The following PCDHA9 variants were observed in gnomAD, a reference collection of about 807,000 sequenced individuals.
The protein encoded by PCDHA9 is protocadherin alpha 9.
In PCDHA9, 62 loss-of-function variants were observed where a neutral mutation model predicts 62.0. The ratio of observed to expected loss-of-function variants is 1.00; its 90% confidence interval spans 0.81 to 1.23. The LOEUF is 1.23. Among genes scored for constraint, PCDHA9 ranks in the 50% most tolerant of loss-of-function variants. PCDHA9 has a pLI of 0.00. For missense variants in PCDHA9, 1,205 were observed against 1,249.8 expected (o/e 0.96, Z 0.54); for synonymous variants, 557 against 567.6 (o/e 0.98, Z 0.27).
intron 1 of PCDHA9, chr5:140,875,980 T>A: frequency 6.2e-7 from 1 of 1,614,062 alleles, no homozygotes; most frequent in East Asian, 2.2e-5. Context: ...TCTTTTGACC[T>A]ATGCGTTAAG....
At chr5:140,979,486 C>T (rs1222755275) in intron 2 of PCDHA9, among the ~76,000 whole-genome samples, 1 of 152,032 alleles carries the variant, frequency 6.6e-6, no homozygotes, top group African/African-American at 2.4e-5. Flanking sequence ...TGTGTTCACA[C>T]CTATTAGAGC....
At chr5:140,946,456 G>A (rs1554217589) in intron 1 of PCDHA9, among the ~76,000 whole-genome samples, 1 of 151,574 alleles carries the variant, frequency 6.6e-6, no homozygotes, top group African/African-American at 2.4e-5. Flanking sequence ...CAACTATCCA[G>A]CAATCCCACT....
At chr5:140,863,396 G>C (rs782335492) in intron 1 of PCDHA9, 1 of 872,572 alleles carries the variant, frequency 1.1e-6, no homozygotes, top group Non-Finnish European at 1.8e-6. Context: ...TGCATGCCGG[G>C]CAAGCCCACG....
chr5:140,961,435 C>T (rs1554225413), intron 1 of PCDHA9, among the ~76,000 whole-genome samples: 1 of 152,174 alleles, frequency 6.6e-6, no homozygotes, highest in Non-Finnish European at 1.5e-5. Flanking sequence ...TACAAAATCA[C>T]CTAACTACAC....
At chr5:140,917,337 G>GA (rs1240219857) in intron 1 of PCDHA9, among the ~76,000 whole-genome samples, 3 of 142,560 alleles carry the variant, frequency 2.1e-5, no homozygotes, top group Non-Finnish European at 4.7e-5. Context: ...GGGAGGGGGG[G>GA]GATGGTGTAG....
intron 1 of PCDHA9, among the ~76,000 whole-genome samples, chr5:140,878,711 G>A (rs944193090): frequency 6.6e-5 from 10 of 152,156 alleles, no homozygotes; most frequent in East Asian, 1.9e-4. Context: ...GGTAGTAAAG[G>A]CATTAAAATT....
chr5:140,970,647 T>C lies in PCDHA9; in HGVS notation c.2395-8302T>C, dbSNP rs529255517. Among the ~76,000 whole-genome samples, 9 of 152,352 alleles carry C rather than the reference T, an allele frequency of 5.9e-5. No homozygotes were observed. The South Asian group carries it at 1.9e-3, about 32-fold the overall frequency. On this transcript the variant is annotated intron_variant, in intron 1 of 3. Coordinates refer to ENST00000532602, the MANE Select transcript of PCDHA9 (RefSeq NM_031857.2). ...CAAAATTTTGTACCATAAATAGTGA[T>C]GAATTGTTATCTTTCCAAATAACTA...
At chr5:140,984,975 T>A (rs571343368) in intron 3 of PCDHA9, among the ~76,000 whole-genome samples, 1 of 152,128 alleles carries the variant, frequency 6.6e-6, no homozygotes, top group Admixed American at 6.5e-5. Flanking sequence ...TCTCGCTCTG[T>A]CCCCCAGGCT....
rs113635864 is a variant in PCDHA9 at position 140,947,396 on chromosome 5, A to T, written c.2395-31553A>T. On this transcript the variant is annotated intron_variant, in intron 1 of 3. Coordinates refer to ENST00000532602, the MANE Select transcript of PCDHA9 (RefSeq NM_031857.2). ...ATATGTTTATCCTTTCACTAAAAGT[A>T]GACTGTCTTGATATTGTAGCTTTAT... Among the ~76,000 whole-genome samples the T allele has an allele frequency of 7.1e-3, 1,081 of 151,828 alleles. 11 individuals are homozygous for T. The highest frequency in any genetic ancestry group is 0.025 in the African/African-American group (1,045 of 41,538).
intron 3 of PCDHA9, among the ~76,000 whole-genome samples, chr5:140,999,874 T>G (rs897953919): frequency 6.6e-6 from 1 of 152,122 alleles, no homozygotes; most frequent in Admixed American, 6.5e-5. Flanking sequence ...TTACTGAAAA[T>G]TAGCCCAGCT....
rs2150467797 is a variant in PCDHA9 at position 140,850,109 on chromosome 5, C to G, written c.1614C>G (p.Arg538=). ...TGCTACAGTTCCAGGTGAGCGCGCG[C>G]GACGCGGGCGTGCCGCCTCTGGGCA... ...LELLQFQVSA[R]DAGVPPLGSN... is the part of the protein sequence containing the mutation. Residue 538 remains arginine (R), a synonymous_variant, in exon 1 of 4, where the codon CGC becomes CGG. Coordinates refer to ENST00000532602, the MANE Select transcript of PCDHA9 (RefSeq NM_031857.2). 1.1e-4 allele frequency: 170 copies of G among 1,596,054 alleles called. 9 individuals are homozygous for G. Among genetic ancestry groups the G allele is most frequent in the Non-Finnish European group, 2.6e-5 (30 of 1,167,820 alleles).
chr5:140,852,888 T>C, intron 1 of PCDHA9: 1 of 920,092 alleles, frequency 1.1e-6, no homozygotes, highest in Non-Finnish European at 1.3e-6. Context: ...AAAACGTATT[T>C]TTTTTTTTGA....
In PCDHA9 at chr5:140,882,894, G is replaced by A. The variant is rs1554176001; in HGVS notation, c.2394+32005G>A. The A allele has an allele frequency of 5.6e-6, 9 of 1,614,190 alleles. No homozygotes were observed. The East Asian group carries it at 1.3e-4, about 24-fold the overall frequency. The stretch of plus-strand genomic sequence containing the variant: ...GACAGAGAGGAAATTCAGGAACATA[G>A]TTTATTACTGACAGCCAGTGATGGA... On this transcript the variant is annotated intron_variant, in intron 1 of 3. Coordinates refer to ENST00000532602, the MANE Select transcript of PCDHA9 (RefSeq NM_031857.2).
chr5:140,892,012 G>A (rs1032416226), intron 1 of PCDHA9, among the ~76,000 whole-genome samples: 9 of 152,176 alleles, frequency 5.9e-5, no homozygotes, highest in Admixed American at 5.9e-4. Context: ...TGTTATAGCA[G>A]CACAAATGGT....
rs1274541359 is a variant in PCDHA9 at position 140,852,032 on chromosome 5, G to C, written c.2394+1143G>C. 7.5e-6 allele frequency: 7 copies of C among 936,644 alleles called. No homozygotes were observed. The African/African-American group carries it at 1.1e-4, about 14-fold the overall frequency. 58.0% of individuals were successfully genotyped at this position (936,644 alleles called of 1,614,324 possible). On this transcript the variant is annotated intron_variant, in intron 1 of 3. Transcript: ENST00000532602. ...TATAGTTTTAAAAACTTCGCTTATT[G>C]AGTTTTTGTTATGTGGTTTATATTT... is the stretch of plus-strand genomic sequence containing the variant.
At chr5:140,969,468 AT>A (rs1264391543) in intron 1 of PCDHA9, 1 of 1,486,422 alleles carries the variant, frequency 6.7e-7, no homozygotes, top group Non-Finnish European at 9.0e-7. Context: ...AGTATCCACA[AT>A]TTGATCATAA....
At chr5:140,928,056 G>T (rs183490994) in intron 1 of PCDHA9, 1 of 1,614,154 alleles carries the variant, frequency 6.2e-7, no homozygotes, top group Admixed American at 1.7e-5. Flanking sequence ...TTCAGCTGAC[G>T]GCTTCCTTTG....
intron 1 of PCDHA9, among the ~76,000 whole-genome samples, chr5:140,977,960 A>G (rs760810328): frequency 9.2e-5 from 14 of 152,142 alleles, no homozygotes; most frequent in Non-Finnish European, 1.3e-4. Flanking sequence ...GGCCACCTCA[A>G]TCTCCGCCCA....
intron 3 of PCDHA9, among the ~76,000 whole-genome samples, chr5:140,992,995 A>C (rs1347087034): frequency 2.0e-5 from 3 of 152,202 alleles, no homozygotes; most frequent in African/African-American, 7.2e-5. Context: ...GACCCATGAA[A>C]GAGCCTCCCC....
Sources: gnomAD v4.1 joint callset for allele counts (sites outside exome capture counted in the v4.1 genomes callset) on GRCh38, gnomAD v4.1.1 for gene constraint, MANE v1.5 for transcripts, NCBI Gene and HGNC (gene_info 2026-07-23, HGNC 2026-07-21) for gene names.